Variants in NMNAT1 observed in about 807,000 individuals in gnomAD.
The protein encoded by NMNAT1 is nicotinamide/nicotinic acid mononucleotide adenylyltransferase 1.
In NMNAT1, 11 loss-of-function variants were observed where a neutral mutation model predicts 16.7. That is an observed-to-expected ratio of 0.66 (90% CI 0.41 to 1.09). The LOEUF (loss-of-function observed/expected upper bound fraction) is 1.09. Ranked by LOEUF, NMNAT1 falls within the 50% of genes least tolerant of loss-of-function variation. The pLI is 0.00. For synonymous variants in NMNAT1, 110 were observed against 119.8 expected (o/e 0.92, Z 0.53); for missense variants, 280 against 332.3 (o/e 0.84, Z 1.22).
chr1:9,976,124 T>C (rs1300846109), intron 3 of NMNAT1, among the ~76,000 whole-genome samples: 1 of 151,808 alleles, frequency 6.6e-6, no homozygotes, highest in African/African-American at 2.4e-5. Flanking sequence ...CCGTCTCTAC[T>C]AAAAATACAA....
intron 1 of NMNAT1, among the ~76,000 whole-genome samples, chr1:9,965,248 C>T (rs1308940260): frequency 2.4e-5 from 3 of 126,754 alleles, no homozygotes; most frequent in Admixed American, 8.9e-5. Flanking sequence ...ACCCAGGAGG[C>T]GGAGGTTGCA....
chr1:9,980,863 A>G (rs576657087), intron 3 of NMNAT1, among the ~76,000 whole-genome samples, 168 bp from the exon 4 acceptor site: 13 of 151,774 alleles, frequency 8.6e-5, no homozygotes, highest in East Asian at 8.0e-4. Context: ...TCACCGTGTT[A>G]GCCAGGATGG....
intron 1 of NMNAT1, chr1:9,955,947 A>G (rs1444356911): frequency 6.6e-6 from 1 of 152,104 alleles, no homozygotes; most frequent in Non-Finnish European, 1.5e-5. Context: ...TACTTATTAC[A>G]GGAAATCTAT....
intron 1 of NMNAT1, among the ~76,000 whole-genome samples, chr1:9,969,920 C>A (rs1337126205): frequency 4.6e-5 from 7 of 152,108 alleles, no homozygotes; most frequent in African/African-American, 1.7e-4. Context: ...CAAAGCTGCA[C>A]TAGAGGACAG....
rs767946381 is a variant in NMNAT1, at chr1:9,982,557, G to A, written c.696G>A (p.Arg232=). Residue 232 remains arginine (R), a synonymous_variant, in exon 5 of 5, where the codon AGG becomes AGA. Transcript: ENST00000377205. The part of the protein sequence containing the change: ...SSTKIRRALR[R]GQSIRYLVPD... ...CAAAAATCCGGAGAGCCCTCAGAAGGGGCCAGAGCATTCGCTACTTGGTAC... is the reference window on the plus strand; with the variant it reads ...CAAAAATCCGGAGAGCCCTCAGAAGAGGCCAGAGCATTCGCTACTTGGTAC... 8 of 1,614,082 alleles carry A rather than the reference G, an allele frequency of 5.0e-6. No homozygotes were observed. Among genetic ancestry groups the A allele is most frequent in the Non-Finnish European group, 6.8e-6 (8 of 1,180,028 alleles).
At chr1:9,961,489 C>G (rs748202880) in intron 1 of NMNAT1, among the ~76,000 whole-genome samples, 2 of 152,084 alleles carry the variant, frequency 1.3e-5, no homozygotes, top group Non-Finnish European at 2.9e-5. Flanking sequence ...GTACTATGGG[C>G]ATGTCGCATT....
At chr1:9,953,688 G>A (rs1488366002) in intron 1 of NMNAT1, among the ~76,000 whole-genome samples, 1 of 151,164 alleles carries the variant, frequency 6.6e-6, no homozygotes, top group African/African-American at 2.4e-5. Context: ...TGATCCATCT[G>A]TCTTGGCCTC....
chr1:9,977,159 G>A (rs762171298), intron 3 of NMNAT1, among the ~76,000 whole-genome samples: 3 of 152,150 alleles, frequency 2.0e-5, no homozygotes, highest in Non-Finnish European at 4.4e-5. Flanking sequence ...TGCCCATCTC[G>A]GGCCTCCCAA....
chr1:9,959,302 G>A (rs1487098137), intron 1 of NMNAT1, among the ~76,000 whole-genome samples: 1 of 147,258 alleles, frequency 6.8e-6, no homozygotes, highest in Non-Finnish European at 1.5e-5. Flanking sequence ...AACCCGGGAG[G>A]CAGAGGTTGC....
chr1:9,970,833 A>G (rs1641672650), intron 1 of NMNAT1, among the ~76,000 whole-genome samples: 1 of 152,190 alleles, frequency 6.6e-6, no homozygotes, highest in Non-Finnish European at 1.5e-5. Flanking sequence ...GAAAGTTATG[A>G]TGTTACTATC....
intron 1 of NMNAT1, among the ~76,000 whole-genome samples, chr1:9,957,478 C>T (rs1033127878): frequency 8.7e-5 from 13 of 149,516 alleles, no homozygotes; most frequent in African/African-American, 1.2e-4. Context: ...CGCCACCACG[C>T]GAGAGTGGGC....
chr1:9,954,234 G>GAGAT (rs1424773796), intron 1 of NMNAT1, among the ~76,000 whole-genome samples: 3 of 150,718 alleles, frequency 2.0e-5, no homozygotes, highest in Non-Finnish European at 4.4e-5. Context: ...TTTTTTTTTG[G>GAGAT]AGATAGGGCC....
At chr1:9,948,896 C>G (rs966732964) in intron 1 of NMNAT1, among the ~76,000 whole-genome samples, 5 of 151,734 alleles carry the variant, frequency 3.3e-5, no homozygotes, top group African/African-American at 1.2e-4. Context: ...GATTCACCCA[C>G]CTGGCCTCCC....
At chr1:9,960,482 C>T (rs1229640642) in intron 1 of NMNAT1, among the ~76,000 whole-genome samples, 1 of 151,850 alleles carries the variant, frequency 6.6e-6, no homozygotes, top group Non-Finnish European at 1.5e-5. Flanking sequence ...GGCAACACAG[C>T]GAGACCCCAT....
At chr1:9,994,147 G>A in the NMNAT1 span, among the ~76,000 whole-genome samples, 4 of 130,188 alleles carry the variant, frequency 3.1e-5, no homozygotes, top group African/African-American at 1.3e-4. Context: ...GAATCACTCC[G>A]TCTCCCAGGC....
chr1:9,975,826 C>T, intron 3 of NMNAT1, 51 bp downstream of exon 3: 1 of 1,413,920 alleles, frequency 7.1e-7, no homozygotes, highest in East Asian at 2.3e-5. Context: ...GGCTAAGCGG[C>T]TTATGTTTTT....
chr1:9,981,240 A>ATTT, intron 4 of NMNAT1, 70 bp downstream of exon 4: 1 of 1,386,540 alleles, frequency 7.2e-7, no homozygotes. Context: ...ACCCCTGTGT[A>ATTT]TTTTTTTTTT....
intron 1 of NMNAT1, among the ~76,000 whole-genome samples, chr1:9,952,894 TA>T (rs1417552220): frequency 7.9e-5 from 12 of 152,094 alleles, no homozygotes; most frequent in Non-Finnish European, 1.5e-4. Context: ...AATGCAAACC[TA>T]AATGCAATTT....
At chr1:9,943,399 G>C (rs2297843), upstream of NMNAT1, 16,673 of 152,408 alleles carry the variant, frequency 0.11, 1,105 homozygotes, top group East Asian at 0.21. Context: ...TCCGCTGGAC[G>C]CACGCACTTC....
Sources: allele counts gnomAD v4.1 joint callset (sites outside exome capture counted in the v4.1 genomes callset), GRCh38; gene constraint gnomAD v4.1.1; transcripts MANE v1.5; gene names NCBI Gene and HGNC (gene_info 2026-07-23, HGNC 2026-07-21).